TPST1: variants seen among roughly 807,000 people sequenced by gnomAD.
TPST1 encodes tyrosylprotein sulfotransferase 1.
In TPST1, 20 loss-of-function variants were observed where a neutral mutation model predicts 34.8. The observed-to-expected ratio is 0.57, with a 90% CI of 0.40 to 0.84. TPST1 has a LOEUF of 0.84. Ranked by LOEUF, TPST1 falls within the 40% of genes least tolerant of loss-of-function variation. The pLI, the probability that TPST1 is intolerant of heterozygous loss-of-function variation, is 0.00. For synonymous variants in TPST1, 152 were observed against 159.4 expected (o/e 0.95, Z 0.35); for missense variants, 353 against 455.5 (o/e 0.78, Z 2.05).
chr7:66,358,719 C>T (rs973294650), intron 5 of TPST1, among the ~76,000 whole-genome samples: 29 of 152,012 alleles, frequency 1.9e-4, no homozygotes, highest in African/African-American at 6.8e-4. Context: ...TAGTCTTATG[C>T]CCTGTGGGTC....
rs184272315 is a variant in TPST1 at position 66,353,218 on chromosome 7, G to A, written c.1095+663G>A. On this transcript the variant is annotated intron_variant, in intron 4 of 5. Transcript: ENST00000304842. ...TAATCCCAGCTACTTGGGAGGCTGA[G>A]GGAGAATCACATGAACCGGGAGGTG... Among the ~76,000 whole-genome samples the A allele has an allele frequency of 5.9e-5, 9 of 152,262 alleles. No homozygotes were observed. In the East Asian group the frequency reaches 1.4e-3, roughly 23 times the overall value.
chr7:66,230,201 A>G (rs1173858489), intron 1 of TPST1, among the ~76,000 whole-genome samples: 1 of 152,160 alleles, frequency 6.6e-6, no homozygotes, highest in Non-Finnish European at 1.5e-5. Flanking sequence ...CAAACAAACA[A>G]AAACTAGTCA....
intron 3 of TPST1, among the ~76,000 whole-genome samples, chr7:66,335,032 C>G (rs145683591): frequency 6.6e-6 from 1 of 152,164 alleles, no homozygotes; most frequent in Non-Finnish European, 1.5e-5. Context: ...AGCCGAGACA[C>G]CCTATTGACA....
Position 66,311,842 on chromosome 7 carries a change from AG to A in TPST1, c.1044+25134del, listed in dbSNP as rs750097824. ...AAGTCTGAGACTACCCCACAGGAAT[AG>A]CCTTGTCAAGGCCTGATTGTGCCCT... On this transcript the variant is annotated intron_variant, in intron 3 of 5. Transcript: ENST00000304842. Among the ~76,000 whole-genome samples the A allele has an allele frequency of 9.1e-4, 138 of 152,356 alleles. 1 individual carries two copies. The highest frequency in any genetic ancestry group is 1.1e-3 in the Non-Finnish European group (72 of 68,026).
chr7:66,324,760 C>T (rs1791824803), intron 3 of TPST1, among the ~76,000 whole-genome samples: 1 of 134,382 alleles, frequency 7.4e-6, no homozygotes, highest in Non-Finnish European at 1.5e-5. Flanking sequence ...AAGACTGTGC[C>T]ACTGCACTCC....
At position 66,356,878 on chromosome 7, in the gene TPST1, G is replaced by A. The variant is rs768890681; in HGVS notation, c.*29+7G>A. Reference sequence around the variant, plus strand: ...AGCCTCTTCCATACATGAGGTGAGGGTTGGGGGACATTGCCAGGTCTTTCT... The same window carrying A: ...AGCCTCTTCCATACATGAGGTGAGGATTGGGGGACATTGCCAGGTCTTTCT... On this transcript the variant is annotated splice_region_variant and intron_variant, in intron 5 of 5. Coordinates refer to ENST00000304842, the MANE Select transcript of TPST1 (RefSeq NM_003596.4). 6.2e-7 allele frequency: 1 copy of A among 1,614,044 alleles called. No individual in the cohort carries two copies. The highest frequency in any genetic ancestry group is 1.7e-5 in the Admixed American group (1 of 60,000).
At chr7:66,250,390 A>G (rs1210560462) in intron 2 of TPST1, among the ~76,000 whole-genome samples, 1 of 152,208 alleles carries the variant, frequency 6.6e-6, no homozygotes, top group Non-Finnish European at 1.5e-5. Flanking sequence ...TACAGCATTT[A>G]TGAAGACAAA....
intron 2 of TPST1, among the ~76,000 whole-genome samples, chr7:66,254,454 A>G (rs1790341154): frequency 6.6e-6 from 1 of 152,150 alleles, no homozygotes; most frequent in Admixed American, 6.5e-5. Flanking sequence ...CCCAGGGTAG[A>G]GTGCAGTGGT....
chr7:66,310,789 C>A (rs1003765655), intron 3 of TPST1, among the ~76,000 whole-genome samples: 1 of 148,880 alleles, frequency 6.7e-6, no homozygotes, highest in African/African-American at 2.5e-5. Flanking sequence ...ATTTCTTGTG[C>A]CTAAATTTGA....
chr7:66,346,210 C>T (rs1015279582), intron 3 of TPST1, among the ~76,000 whole-genome samples: 2 of 150,984 alleles, frequency 1.3e-5, no homozygotes, highest in African/African-American at 4.9e-5. Flanking sequence ...TATAATATTT[C>T]CTTTATCCAT....
intron 2 of TPST1, among the ~76,000 whole-genome samples, chr7:66,250,373 A>G (rs1318942185): frequency 1.3e-5 from 2 of 152,180 alleles, no homozygotes; most frequent in African/African-American, 2.4e-5. Context: ...CTCTTGTTGT[A>G]TATACTTACA....
At position 66,360,235 on chromosome 7, in the gene TPST1, C is replaced by T. The variant is rs916880867; in HGVS notation, c.*370C>T. The T allele has an allele frequency of 3.7e-6, 1 of 272,794 alleles. No individual in the cohort carries two copies. 16.9% of individuals were successfully genotyped at this position (272,794 alleles called of 1,614,324 possible). On this transcript the variant is annotated 3_prime_UTR_variant, in exon 6 of 6. Transcript: ENST00000304842. ...GATCCTGTAAGCAGACTTGGGCAGTCTCCTTTTGAAATAGGTTGTCTGTAC... is the reference window on the plus strand; with the variant it reads ...GATCCTGTAAGCAGACTTGGGCAGTTTCCTTTTGAAATAGGTTGTCTGTAC...
chr7:66,269,136 A>G lies in TPST1; in HGVS notation c.846-17375A>G, dbSNP rs116834134. 2.1e-3 allele frequency among the ~76,000 whole-genome samples: 324 copies of G among 152,342 alleles called. 2 individuals carry two copies. Among genetic ancestry groups the G allele is most frequent in the African/African-American group, 7.6e-3 (316 of 41,578 alleles). ...AAAGAGATTAAACGGTGATTAAGAG[A>G]TATCATTTAAAAAGGAAGAGATGAT... On this transcript the variant is annotated intron_variant, in intron 2 of 5. Coordinates refer to ENST00000304842, the MANE Select transcript of TPST1 (RefSeq NM_003596.4).
chr7:66,304,060 G>T (rs1166270124), intron 3 of TPST1, among the ~76,000 whole-genome samples: 2 of 152,206 alleles, frequency 1.3e-5, no homozygotes, highest in Admixed American at 6.5e-5. Flanking sequence ...ACTGTTAAGT[G>T]TTATAGGAGT....
the TPST1 span, among the ~76,000 whole-genome samples, chr7:66,199,300 T>C: frequency 6.7e-6 from 1 of 148,396 alleles, no homozygotes; most frequent in South Asian, 2.2e-4. Context: ...CCTTCTTTTT[T>C]TTTTTTTTTT....
At chr7:66,230,801 A>T (rs894575826) in intron 1 of TPST1, among the ~76,000 whole-genome samples, 1 of 152,118 alleles carries the variant, frequency 6.6e-6, no homozygotes, top group Non-Finnish European at 1.5e-5. Flanking sequence ...CCCCACCCAC[A>T]TCCTGCTGAT....
At chr7:66,252,167 C>G (rs1790275908) in intron 2 of TPST1, among the ~76,000 whole-genome samples, 1 of 151,342 alleles carries the variant, frequency 6.6e-6, no homozygotes, top group African/African-American at 2.4e-5. Flanking sequence ...ACGCCATTCT[C>G]CTGCCTCAGC....
At chr7:66,300,510 C>T (rs1791292915) in intron 3 of TPST1, among the ~76,000 whole-genome samples, 1 of 152,174 alleles carries the variant, frequency 6.6e-6, no homozygotes, top group African/African-American at 2.4e-5. Flanking sequence ...TTTTGACCTC[C>T]TCCCATGAAT....
At chr7:66,217,227 C>T (rs1039063257) in intron 1 of TPST1, among the ~76,000 whole-genome samples, 4 of 151,812 alleles carry the variant, frequency 2.6e-5, no homozygotes, top group Non-Finnish European at 5.9e-5. Flanking sequence ...GTATTGTAGT[C>T]TTCTATTTCC....
Sources: allele counts gnomAD v4.1 joint callset (sites outside exome capture counted in the v4.1 genomes callset), GRCh38; gene constraint gnomAD v4.1.1; transcripts MANE v1.5; gene names NCBI Gene and HGNC (gene_info 2026-07-23, HGNC 2026-07-21).